AUTS2: variants seen among roughly 807,000 people sequenced by gnomAD.
AUTS2 encodes the protein autism susceptibility gene 2 protein.
AUTS2 carries 17 observed loss-of-function variants against 112.4 expected under a neutral mutation model. The ratio of observed to expected loss-of-function variants is 0.15; its 90% CI spans 0.10 to 0.23. The LOEUF (loss-of-function observed/expected upper bound fraction) is 0.23, where lower values mean the gene tolerates loss of function less well. AUTS2 is among the 10% of genes least tolerant of loss of function. The pLI is 1.00. For synonymous variants in AUTS2, 751 were observed against 702.7 expected (o/e 1.07, Z -1.09); for missense variants, 1,510 against 1,701.6 (o/e 0.89, Z 1.98).
At chr7:69,866,490 A>G (rs1041237903) in intron 1 of AUTS2, among the ~76,000 whole-genome samples, 1 of 152,302 alleles carries the variant, frequency 6.6e-6, no homozygotes, top group South Asian at 2.1e-4. Flanking sequence ...CACCTGTCAC[A>G]TACTGTAGGT....
intron 1 of AUTS2, among the ~76,000 whole-genome samples, chr7:69,745,162 C>A (rs1787436776): frequency 6.6e-6 from 1 of 152,134 alleles, no homozygotes; most frequent in Non-Finnish European, 1.5e-5. Context: ...GACCAAAAAA[C>A]CACCTCTCCC....
rs531026526 is a variant in AUTS2 at position 70,310,623 on chromosome 7, A to G, written c.661-125129A>G. ...GCGAGACTCTGTCTTAAAAAAAAAA[A>G]AAAGAAAGAAGTCAGCTCAGTCCAG... On this transcript the variant is annotated intron_variant, in intron 4 of 18. Transcript: ENST00000342771. 5.5e-3 allele frequency among the ~76,000 whole-genome samples: 833 copies of G among 151,844 alleles called. 3 individuals carry two copies. Among genetic ancestry groups the G allele is most frequent in the Non-Finnish European group, 7.6e-3 (518 of 67,932 alleles).
At chr7:70,128,768 C>T (rs569300931) in intron 3 of AUTS2, among the ~76,000 whole-genome samples, 30 of 152,322 alleles carry the variant, frequency 2.0e-4, no homozygotes, top group Middle Eastern at 3.4e-3. Context: ...TATTATCTCA[C>T]AGTTCTGGAG....
At chr7:70,427,940 A>G (rs748785771) in intron 4 of AUTS2, among the ~76,000 whole-genome samples, 7 of 152,306 alleles carry the variant, frequency 4.6e-5, no homozygotes, top group Non-Finnish European at 8.8e-5. Context: ...CTCCTGAACA[A>G]TTGAAGATTG....
At chr7:70,267,130 T>A (rs1488001114) in intron 4 of AUTS2, among the ~76,000 whole-genome samples, 3 of 152,222 alleles carry the variant, frequency 2.0e-5, no homozygotes, top group Admixed American at 6.5e-5. Context: ...GTTATAGACA[T>A]CCCTATATCA....
At chr7:69,997,088 C>G (rs976864502) in intron 2 of AUTS2, among the ~76,000 whole-genome samples, 1 of 152,058 alleles carries the variant, frequency 6.6e-6, no homozygotes, top group East Asian at 1.9e-4. Flanking sequence ...ATTTAACGGT[C>G]TATCCTAAGT....
chr7:70,196,792 G>T (rs1810197220), intron 4 of AUTS2, among the ~76,000 whole-genome samples: 1 of 152,186 alleles, frequency 6.6e-6, no homozygotes, highest in Non-Finnish European at 1.5e-5. Flanking sequence ...ACTGGTTGAG[G>T]GTAGGCTCAC....
At chr7:69,729,417 A>ACCCCCC (rs572743703) in intron 1 of AUTS2, among the ~76,000 whole-genome samples, 1 of 56,004 alleles carries the variant, frequency 1.8e-5, no homozygotes, top group Non-Finnish European at 3.4e-5. Flanking sequence ...ATGTCCCCCA[A>ACCCCCC]CACCCCCCCC....
At chr7:70,203,715 C>G (rs1177190397) in intron 4 of AUTS2, among the ~76,000 whole-genome samples, 2 of 145,604 alleles carry the variant, frequency 1.4e-5, no homozygotes, top group Non-Finnish European at 3.0e-5. Context: ...AGTGAGTGGC[C>G]TCACTAGTTT....
Position 70,561,777 on chromosome 7 carries a change from A to C in AUTS2, c.690+125996A>C, listed in dbSNP as rs571330662. On this transcript the variant is annotated intron_variant, in intron 5 of 18. Coordinates refer to ENST00000342771, the MANE Select transcript of AUTS2 (RefSeq NM_015570.4). Reference sequence around the variant, plus strand: ...TGTCTTTCTTTTTAGCAGGAAGGAAAATCCTTTCCGGGGGTCCTGCAGCAG... The same window carrying C: ...TGTCTTTCTTTTTAGCAGGAAGGAACATCCTTTCCGGGGGTCCTGCAGCAG... 2.0e-5 allele frequency among the ~76,000 whole-genome samples: 3 copies of C among 152,250 alleles called. No homozygotes were observed. In the East Asian group the frequency reaches 5.8e-4, roughly 29 times the overall value.
intron 2 of AUTS2, among the ~76,000 whole-genome samples, chr7:69,911,324 A>G (rs1378359499): frequency 6.6e-6 from 1 of 152,074 alleles, no homozygotes; most frequent in East Asian, 1.9e-4. Flanking sequence ...ACAGAGCCCC[A>G]AAGAGGGTGT....
At chr7:70,368,909 C>G (rs59713037) in intron 4 of AUTS2, among the ~76,000 whole-genome samples, 21 of 152,000 alleles carry the variant, frequency 1.4e-4, no homozygotes, top group Non-Finnish European at 3.1e-4. Context: ...TTTGGAACAG[C>G]TGTTTGTTAA....
intron 4 of AUTS2, among the ~76,000 whole-genome samples, chr7:70,414,786 T>C (rs1794923034): frequency 1.3e-5 from 2 of 152,256 alleles, no homozygotes; most frequent in Admixed American, 6.5e-5. Flanking sequence ...AAAAAATGTA[T>C]AGCTTAGCCC....
chr7:70,083,945 T>C (rs1803452533), intron 2 of AUTS2, among the ~76,000 whole-genome samples: 1 of 151,926 alleles, frequency 6.6e-6, no homozygotes, highest in African/African-American at 2.4e-5. Flanking sequence ...AGATTCCATC[T>C]CAAAGAAAAA....
chr7:70,642,815 C>T (rs1310766975), intron 5 of AUTS2, among the ~76,000 whole-genome samples: 2 of 152,150 alleles, frequency 1.3e-5, no homozygotes, highest in Admixed American at 1.3e-4. Flanking sequence ...TCTCGTGCAT[C>T]TTCCTCTGGC....
intron 4 of AUTS2, among the ~76,000 whole-genome samples, chr7:70,345,655 A>G (rs920760569): frequency 1.3e-5 from 2 of 152,170 alleles, no homozygotes; most frequent in African/African-American, 2.4e-5. Context: ...TCTGCCTTTC[A>G]GTAAGCTTAG....
chr7:70,349,661 T>G (rs1014633031), intron 4 of AUTS2, among the ~76,000 whole-genome samples: 3 of 152,164 alleles, frequency 2.0e-5, no homozygotes, highest in Non-Finnish European at 4.4e-5. Context: ...TCCAGGCTTT[T>G]TTTTTTTTCT....
intron 1 of AUTS2, among the ~76,000 whole-genome samples, chr7:69,669,625 T>A (rs550225561): frequency 6.6e-6 from 1 of 152,306 alleles, no homozygotes; most frequent in East Asian, 1.9e-4. Context: ...TTATGTAGTA[T>A]GTAGATATTT....
rs1307870597 is a variant in AUTS2, at chr7:69,975,232, A to G, written c.522+75734A>G. Among the ~76,000 whole-genome samples, 7 of 151,846 alleles carry G rather than the reference A, an allele frequency of 4.6e-5. No homozygotes were observed. In the South Asian group the frequency reaches 8.4e-4, roughly 18 times the overall value. ...CAGGGTTTCTCATGAGACATCCACT[A>G]TCCTTCTTTTGTCTAGATGTCATGA... On this transcript the variant is annotated intron_variant, in intron 2 of 18. Coordinates refer to ENST00000342771, the MANE Select transcript of AUTS2 (RefSeq NM_015570.4).
Sources: allele counts gnomAD v4.1 joint callset (sites outside exome capture counted in the v4.1 genomes callset), GRCh38; gene constraint gnomAD v4.1.1; transcripts MANE v1.5; gene names NCBI Gene and HGNC (gene_info 2026-07-23, HGNC 2026-07-21).